The following TTLL5 variants were observed in gnomAD, a reference collection of about 807,000 sequenced individuals.
The protein encoded by TTLL5 is tubulin tyrosine ligase like 5, also known as tubulin polyglutamylase TTLL5.
TTLL5 carries 132 observed loss-of-function variants against 168.4 expected under a neutral mutation model. The ratio of observed to expected loss-of-function variants is 0.78; its 90% CI spans 0.68 to 0.91. The LOEUF (loss-of-function observed/expected upper bound fraction) is 0.91. TTLL5 is among the 40% of genes least tolerant of loss of function. The pLI, the probability that TTLL5 is intolerant of heterozygous loss-of-function variation, is 0.00. For missense variants in TTLL5, 1,545 were observed against 1,581.5 expected (o/e 0.98, Z 0.39); for synonymous variants, 546 against 558.6 (o/e 0.98, Z 0.32).
Position 75,745,471 on chromosome 14 carries a change from T to C in TTLL5, c.1396-19T>C. 6.2e-7 allele frequency: 1 copy of C among 1,613,332 alleles called. No individual in the cohort carries two copies. The highest frequency in any genetic ancestry group is 1.1e-5 in the South Asian group (1 of 91,062). Reference sequence around the variant, plus strand: ...CGGTTTTCAAAATAGGTACTCATTTTATCTTATTTTTCATCTAGATCAAAG... The same window carrying C: ...CGGTTTTCAAAATAGGTACTCATTTCATCTTATTTTTCATCTAGATCAAAG... On this transcript the variant is annotated intron_variant, in intron 16 of 31. Transcript: ENST00000298832.
At chr14:75,758,798 A>G (rs1890444537) in intron 18 of TTLL5, among the ~76,000 whole-genome samples, 1 of 152,208 alleles carries the variant, frequency 6.6e-6, no homozygotes, top group South Asian at 2.1e-4. Context: ...CATGGGTAAA[A>G]GAAGAAATCA....
chr14:75,697,943 C>T (rs565765429), intron 6 of TTLL5, among the ~76,000 whole-genome samples: 4 of 152,308 alleles, frequency 2.6e-5, no homozygotes, highest in African/African-American at 9.6e-5. Context: ...TTTGCATTTG[C>T]TTGATTTATT....
intron 27 of TTLL5, among the ~76,000 whole-genome samples, chr14:75,806,806 T>C (rs1399601503): frequency 6.6e-6 from 1 of 152,308 alleles, no homozygotes; most frequent in East Asian, 1.9e-4. Flanking sequence ...TCATTGAGAA[T>C]TGGATCATGT....
intron 31 of TTLL5, among the ~76,000 whole-genome samples, chr14:75,909,315 A>T (rs2033273003): frequency 2.0e-5 from 3 of 147,602 alleles, no homozygotes; most frequent in African/African-American, 7.6e-5. Context: ...CCAGGCAACT[A>T]GATACCATCC....
chr14:75,925,128 G>C (rs1337267643), intron 31 of TTLL5, among the ~76,000 whole-genome samples: 1 of 147,250 alleles, frequency 6.8e-6, no homozygotes, highest in Non-Finnish European at 1.5e-5. Flanking sequence ...GCGGCTGGCC[G>C]GGCGGGTGGC....
At chr14:75,848,869 A>T (rs1219149317) in intron 28 of TTLL5, among the ~76,000 whole-genome samples, 1 of 152,196 alleles carries the variant, frequency 6.6e-6, no homozygotes, top group East Asian at 1.9e-4. Flanking sequence ...TTTTTGTTCC[A>T]TAAAGCTTGC....
chr14:75,843,897 A>T (rs1224943891), intron 28 of TTLL5, among the ~76,000 whole-genome samples: 1 of 147,370 alleles, frequency 6.8e-6, no homozygotes, highest in African/African-American at 2.6e-5. Context: ...ATTTTATTTT[A>T]TTTTATTTTA....
Position 75,732,403 on chromosome 14 carries a change from TCTCCTTCTTTGG to T in TTLL5, c.1110_1121del (p.Pro371_Ala374del). 1 of 1,613,828 alleles carries T rather than the reference TCTCCTTCTTTGG, an allele frequency of 6.2e-7. No individual in the cohort carries two copies. Among genetic ancestry groups the T allele is most frequent in the Non-Finnish European group, 8.5e-7 (1 of 1,179,850 alleles). ...GCCATGGTTGTTGGAAGTGAATCTC[TCTCCTTCTTTGG>T]CCTGGTAAGTCAGTTCCATCAACTA... On this transcript the variant is annotated inframe_deletion, in exon 13 of 32. Transcript: ENST00000298832.
Position 75,841,057 on chromosome 14 carries a change from T to G in TTLL5, c.3326+20896T>G, listed in dbSNP as rs539200916. Among the ~76,000 whole-genome samples, 6 of 152,258 alleles carry G rather than the reference T, an allele frequency of 3.9e-5. No individual in the cohort carries two copies. In the East Asian group the frequency reaches 7.7e-4, roughly 20 times the overall value. ...AGACTCTTAAAACAACCAGATTTCG[T>G]GTGAACGAACTGAGCAAGCGCTCAC... On this transcript the variant is annotated intron_variant, in intron 28 of 31. Coordinates refer to ENST00000298832, the MANE Select transcript of TTLL5 (RefSeq NM_015072.5).
At chr14:75,835,696 G>A (rs779189576) in intron 28 of TTLL5, 1 of 152,160 alleles carries the variant, frequency 6.6e-6, no homozygotes, top group African/African-American at 2.4e-5. Context: ...AAACAACTCT[G>A]TAGGAAAAAA....
chr14:75,811,428 C>T (rs775431329), intron 27 of TTLL5, among the ~76,000 whole-genome samples: 1 of 152,084 alleles, frequency 6.6e-6, no homozygotes, highest in Admixed American at 6.6e-5. Flanking sequence ...GCTTGTCTGA[C>T]GATTTTTCTT....
At chr14:75,894,714 G>A (rs768419144) in intron 30 of TTLL5, among the ~76,000 whole-genome samples, 6 of 152,058 alleles carry the variant, frequency 3.9e-5, no homozygotes, top group Admixed American at 6.6e-5. Flanking sequence ...TTAAGTTATT[G>A]GCTACATGAA....
chr14:75,766,016 A>T (rs746745940), intron 19 of TTLL5, 46 bp from the exon 20 acceptor site: 1 of 1,531,678 alleles, frequency 6.5e-7, no homozygotes, highest in African/African-American at 1.4e-5. Context: ...GGAGAGAGGA[A>T]CATTTAATCC....
intron 12 of TTLL5, chr14:75,727,909 G>T: frequency 2.2e-6 from 1 of 462,626 alleles, no homozygotes; most frequent in South Asian, 1.6e-5. Flanking sequence ...TCCTTTTGGG[G>T]TGATGGAAAC....
chr14:75,813,709 G>A (rs765183812), intron 27 of TTLL5, among the ~76,000 whole-genome samples: 5 of 151,284 alleles, frequency 3.3e-5, no homozygotes, highest in African/African-American at 4.9e-5. Context: ...ATAGTAGAAC[G>A]TTTTAAAGGT....
chr14:75,745,667 C>A, intron 17 of TTLL5, 86 bp downstream of exon 17: 1 of 1,012,370 alleles, frequency 9.9e-7, no homozygotes, highest in South Asian at 1.5e-5. Context: ...ACTGCTCCCC[C>A]CGATGATGCT....
chr14:75,733,980 T>C lies in TTLL5; in HGVS notation c.1125-9T>C. On this transcript the variant is annotated splice_polypyrimidine_tract_variant and intron_variant, in intron 13 of 31. Coordinates refer to ENST00000298832, the MANE Select transcript of TTLL5 (RefSeq NM_015072.5). ...TATCAATTGCTCTTTTCTTTCTCTG[T>C]TCTGTTAGTGATGCGCCTCTGGACC... 1 of 1,613,904 alleles carries C rather than the reference T, an allele frequency of 6.2e-7. No individual in the cohort carries two copies. Among genetic ancestry groups the C allele is most frequent in the Middle Eastern group, 1.7e-4 (1 of 6,056 alleles).
intron 31 of TTLL5, among the ~76,000 whole-genome samples, chr14:75,952,264 G>A (rs898336508): frequency 4.6e-5 from 7 of 151,968 alleles, no homozygotes; most frequent in South Asian, 2.1e-4. Flanking sequence ...CACTTGAGCC[G>A]AAGAGTTTGA....
rs749165577 is a variant in TTLL5, at chr14:75,775,634, A to G, written c.2283+4A>G. 6.2e-7 allele frequency: 1 copy of G among 1,613,884 alleles called. No individual in the cohort carries two copies. Among genetic ancestry groups the G allele is most frequent in the East Asian group, 2.2e-5 (1 of 44,878 alleles). On this transcript the variant is annotated splice_donor_region_variant and intron_variant, in intron 22 of 31. Coordinates refer to ENST00000298832, the MANE Select transcript of TTLL5 (RefSeq NM_015072.5). ...CTTTATCATTGTATACAACAAGGTA[A>G]GTCTTTTTCTGTTAGTCTTGTGCTT...
Sources: allele counts gnomAD v4.1 joint callset (sites outside exome capture counted in the v4.1 genomes callset), GRCh38; gene constraint gnomAD v4.1.1; transcripts MANE v1.5; gene names NCBI Gene and HGNC (gene_info 2026-07-23, HGNC 2026-07-21).